The following RBM18 variants were observed in gnomAD, a reference collection of about 807,000 sequenced individuals.
RBM18 encodes the protein probable RNA-binding protein 18.
In RBM18, 18 loss-of-function variants were observed where a neutral mutation model predicts 26.4. The ratio of observed to expected loss-of-function variants is 0.68; its 90% confidence interval spans 0.47 to 1.01. The LOEUF is 1.01. RBM18 is among the 50% of genes least tolerant of loss of function. RBM18 has a pLI of 0.00. For synonymous variants in RBM18, 74 were observed against 81.1 expected (o/e 0.91, Z 0.47); for missense variants, 180 against 219.2 (o/e 0.82, Z 1.13).
chr9:122,256,258 T>G (rs768887670), intron 2 of RBM18, among the ~76,000 whole-genome samples: 18 of 152,236 alleles, frequency 1.2e-4, no homozygotes, highest in Non-Finnish European at 1.3e-4. Flanking sequence ...CAGAAAGATC[T>G]TCCTCATTTT....
rs183933722 is a variant in RBM18 at position 122,260,880 on chromosome 9, A to G, written c.113+500T>C. Reference sequence around the variant, plus strand: ...GCTTAGCATGGCACTTGGCACTCAAATCATTTAATGAATGAATGAAAACCA... The same window carrying G: ...GCTTAGCATGGCACTTGGCACTCAAGTCATTTAATGAATGAATGAAAACCA... On this transcript the variant is annotated intron_variant, in intron 2 of 5. Coordinates refer to ENST00000417201, the MANE Select transcript of RBM18 (RefSeq NM_033117.4). 2.6e-5 allele frequency among the ~76,000 whole-genome samples: 4 copies of G among 152,318 alleles called. No homozygotes were observed. In the East Asian group the frequency reaches 7.7e-4, roughly 29 times the overall value.
intron 1 of RBM18, among the ~76,000 whole-genome samples, chr9:122,262,742 CCTGT>C (rs1173157082): frequency 1.3e-5 from 2 of 152,046 alleles, no homozygotes; most frequent in Non-Finnish European, 1.5e-5. Flanking sequence ...TGCCACTAAG[CCTGT>C]CTAATTTTTG....
chr9:122,256,530 G>C (rs1296831520), intron 2 of RBM18, among the ~76,000 whole-genome samples: 1 of 152,186 alleles, frequency 6.6e-6, no homozygotes, highest in Non-Finnish European at 1.5e-5. Flanking sequence ...AAGTTTTTCA[G>C]CTTCTTTGTG....
intron 1 of RBM18, among the ~76,000 whole-genome samples, chr9:122,263,699 C>T (rs1831879895): frequency 6.6e-6 from 1 of 152,148 alleles, no homozygotes; most frequent in African/African-American, 2.4e-5. Flanking sequence ...GGGAAGGCCT[C>T]TCTAAAGGAG....
At chr9:122,262,669 C>T (rs912238333) in intron 1 of RBM18, among the ~76,000 whole-genome samples, 2 of 152,120 alleles carry the variant, frequency 1.3e-5, no homozygotes, top group African/African-American at 4.8e-5. Flanking sequence ...CTACAACTTC[C>T]ACTTCCCGGG....
chr9:122,244,854 A>G (rs569299678), intron 5 of RBM18, among the ~76,000 whole-genome samples: 1 of 152,348 alleles, frequency 6.6e-6, no homozygotes, highest in Admixed American at 6.5e-5. Flanking sequence ...ACATAGAATC[A>G]AACATCTGCA....
chr9:122,251,734 T>G (rs1831608728), intron 3 of RBM18, 113 bp downstream of exon 3: 1 of 899,906 alleles, frequency 1.1e-6, no homozygotes, highest in Non-Finnish European at 1.7e-6. Flanking sequence ...CACAGATGAA[T>G]CAGACATGGC....
intron 1 of RBM18, among the ~76,000 whole-genome samples, chr9:122,263,682 G>A (rs1487368939): frequency 1.3e-5 from 2 of 152,218 alleles, no homozygotes; most frequent in Non-Finnish European, 2.9e-5. Flanking sequence ...ACTATAGATT[G>A]AGTGGAGGGA....
chr9:122,247,512 A>C lies in RBM18; in HGVS notation c.327+6T>G. The C allele has an allele frequency of 6.2e-7, 1 of 1,613,106 alleles. No homozygotes were observed. The highest frequency in any genetic ancestry group is 8.5e-7 in the Non-Finnish European group (1 of 1,179,212). ...GCTTGATGTCTTTCTAGCCTCTCAG[A>C]CGTACCTTTACTTGAGCATGTGCCC... On this transcript the variant is annotated splice_donor_region_variant and intron_variant, in intron 4 of 5. Transcript: ENST00000417201.
intron 5 of RBM18, among the ~76,000 whole-genome samples, 161 bp downstream of exon 5, chr9:122,245,095 A>C (rs1031242520): frequency 1.3e-5 from 2 of 152,216 alleles, no homozygotes; most frequent in Non-Finnish European, 2.9e-5. Flanking sequence ...GGATGGAAGG[A>C]GAGGAAATGT....
rs1160319232 is a variant in RBM18, at chr9:122,238,717, AAAG to A, written c.*3164_*3166del. The A allele has an allele frequency of 6.6e-6, 1 of 152,246 alleles. No homozygotes were observed. Among genetic ancestry groups the A allele is most frequent in the East Asian group, 1.9e-4 (1 of 5,206 alleles). 9.4% of individuals were successfully genotyped at this position (152,246 alleles called of 1,614,324 possible). On this transcript the variant is annotated 3_prime_UTR_variant, in exon 6 of 6. Transcript: ENST00000417201. ...TTTCTAGGCTGTGATGGAAAGCCAC[AAAG>A]AAGAGAATCACATTTTAAAATAATT...
chr9:122,259,753 G>T (rs1351586984), intron 2 of RBM18, among the ~76,000 whole-genome samples: 1 of 152,064 alleles, frequency 6.6e-6, no homozygotes, highest in Admixed American at 6.6e-5. Flanking sequence ...GAGTGCAGTG[G>T]CACAATCTCC....
chr9:122,258,154 T>C (rs1003124463), intron 2 of RBM18, among the ~76,000 whole-genome samples: 1 of 152,256 alleles, frequency 6.6e-6, no homozygotes, highest in African/African-American at 2.4e-5. Context: ...CATCAATTTC[T>C]ACAAGATAAG....
At chr9:122,245,703 C>G (rs541521018) in intron 4 of RBM18, among the ~76,000 whole-genome samples, 1 of 151,920 alleles carries the variant, frequency 6.6e-6, no homozygotes, top group East Asian at 1.9e-4. Context: ...ACTGGCCAGG[C>G]GCGGTGGCTC....
Position 122,264,791 on chromosome 9 carries a change from A to T in RBM18, c.-93T>A, listed in dbSNP as rs1403077817. ...ACGCCGCGGTCAGACGGACCTCTAG[A>T]CGCGTCCGCCTCAATGCCGCCAGCT... On this transcript the variant is annotated 5_prime_UTR_variant, in exon 1 of 6. Transcript: ENST00000417201. The T allele has an allele frequency of 6.6e-6, 1 of 152,340 alleles. No homozygotes were observed. Among genetic ancestry groups the T allele is most frequent in the Middle Eastern group, 3.4e-3 (1 of 296 alleles). The allele number at this position is 152,340 out of a possible 1,614,324, so 9.4% of individuals were successfully genotyped here.
In RBM18 at chr9:122,251,213, C is replaced by T. The variant is rs191007959; in HGVS notation, c.240+634G>A. Among the ~76,000 whole-genome samples, 5 of 152,244 alleles carry T rather than the reference C, an allele frequency of 3.3e-5. No individual in the cohort carries two copies. In the East Asian group the frequency reaches 5.8e-4, roughly 18 times the overall value. On this transcript the variant is annotated intron_variant, in intron 3 of 5. Coordinates refer to ENST00000417201, the MANE Select transcript of RBM18 (RefSeq NM_033117.4). Reference sequence around the variant, plus strand: ...AGCCAGGCCTAAATTATTAATATAACGTTAACTATGCAATGTTCTTACATA... The same window carrying T: ...AGCCAGGCCTAAATTATTAATATAATGTTAACTATGCAATGTTCTTACATA...
intron 3 of RBM18, among the ~76,000 whole-genome samples, chr9:122,249,982 G>A (rs1440148897): frequency 6.8e-6 from 1 of 146,542 alleles, no homozygotes; most frequent in African/African-American, 2.5e-5. Context: ...GAGGTGGGAG[G>A]ATCACTTGAA....
intron 2 of RBM18, among the ~76,000 whole-genome samples, chr9:122,260,624 TA>T (rs892556783): frequency 2.7e-4 from 41 of 152,252 alleles, no homozygotes; most frequent in African/African-American, 9.6e-4. Flanking sequence ...CTATGTAGGA[TA>T]AAAAAGCTGG....
chr9:122,253,074 T>C (rs1021259927), intron 2 of RBM18, among the ~76,000 whole-genome samples: 20 of 152,182 alleles, frequency 1.3e-4, no homozygotes, highest in African/African-American at 4.8e-4. Context: ...CCTGTGATAC[T>C]AAAAAGGTAT....
Sources: gnomAD v4.1 joint callset for allele counts (sites outside exome capture counted in the v4.1 genomes callset) on GRCh38, gnomAD v4.1.1 for gene constraint, MANE v1.5 for transcripts, NCBI Gene and HGNC (gene_info 2026-07-23, HGNC 2026-07-21) for gene names.